PDE4B: variants seen among roughly 807,000 people sequenced by gnomAD.
PDE4B encodes the protein phosphodiesterase 4B.
Under a neutral mutation model 82.2 loss-of-function variants are expected in PDE4B, and 20 were observed. That is an observed-to-expected ratio of 0.24 (90% CI 0.17 to 0.35). The LOEUF is 0.35. Among genes scored for constraint, PDE4B ranks in the 10% least tolerant of loss-of-function variants. The pLI is 1.00. For synonymous variants in PDE4B, 320 were observed against 318.9 expected, an observed-to-expected ratio of 1.00 and a Z score of -0.04; for missense variants, 655 against 907.2, an observed-to-expected ratio of 0.72 and a Z score of 3.57.
intron 3 of PDE4B, among the ~76,000 whole-genome samples, chr1:66,176,570 C>G (rs1281399372): frequency 1.3e-5 from 2 of 152,178 alleles, no homozygotes; most frequent in Non-Finnish European, 2.9e-5. Context: ...ATGAAGCTAT[C>G]ATATTAAAAG....
chr1:66,119,818 G>A (rs1645673150), intron 3 of PDE4B, among the ~76,000 whole-genome samples: 1 of 152,116 alleles, frequency 6.6e-6, no homozygotes, highest in African/African-American at 2.4e-5. Context: ...AATCTAATAT[G>A]ACTGGTATCT....
intron 3 of PDE4B, among the ~76,000 whole-genome samples, chr1:66,009,136 T>C (rs1277601669): frequency 1.3e-5 from 2 of 152,184 alleles, no homozygotes; most frequent in Admixed American, 1.3e-4. Flanking sequence ...ATCTTTTCCA[T>C]TGCAGTAAAA....
At chr1:66,042,649 C>T (rs1300691727) in intron 3 of PDE4B, 1 of 151,678 alleles carries the variant, frequency 6.6e-6, no homozygotes, top group Non-Finnish European at 1.5e-5. Context: ...GGATATTGTC[C>T]TTAAGGCAGT....
At chr1:66,186,631 G>T (rs1647223575) in intron 3 of PDE4B, among the ~76,000 whole-genome samples, 1 of 151,940 alleles carries the variant, frequency 6.6e-6, no homozygotes, top group African/African-American at 2.4e-5. Flanking sequence ...ATTTGGCTCT[G>T]TTTGTCTGTT....
At chr1:66,104,717 T>G (rs1239030015) in intron 3 of PDE4B, among the ~76,000 whole-genome samples, 1 of 149,170 alleles carries the variant, frequency 6.7e-6, no homozygotes, top group Non-Finnish European at 1.5e-5. Context: ...TCATGTGTTT[T>G]TTGGCTGCAT....
intron 3 of PDE4B, among the ~76,000 whole-genome samples, chr1:66,147,159 A>G (rs1334559277): frequency 1.3e-5 from 2 of 152,254 alleles, no homozygotes; most frequent in Non-Finnish European, 2.9e-5. Flanking sequence ...TATACTTCAG[A>G]AAGCACTTGC....
At chr1:66,058,839 C>T (rs2100888617) in intron 3 of PDE4B, among the ~76,000 whole-genome samples, 1 of 152,348 alleles carries the variant, frequency 6.6e-6, no homozygotes, top group Admixed American at 6.5e-5. Flanking sequence ...TTTGAAATGC[C>T]CTGGAGCCAT....
intron 7 of PDE4B, among the ~76,000 whole-genome samples, chr1:66,276,534 A>G (rs906673926): frequency 6.6e-6 from 1 of 152,252 alleles, no homozygotes; most frequent in African/African-American, 2.4e-5. Context: ...TAATTATTAC[A>G]TACTAGAGGA....
intron 3 of PDE4B, among the ~76,000 whole-genome samples, chr1:66,208,174 C>T (rs1649715924): frequency 6.6e-6 from 1 of 152,216 alleles, no homozygotes; most frequent in African/African-American, 2.4e-5. Flanking sequence ...CTTTTCGCCA[C>T]TGCTCATAAA....
chr1:66,082,205 A>C (rs565506259), intron 3 of PDE4B, among the ~76,000 whole-genome samples: 1 of 151,886 alleles, frequency 6.6e-6, no homozygotes, highest in South Asian at 2.1e-4. Context: ...TTCTTTTACT[A>C]TTGACTTTTA....
At chr1:65,879,460 C>T (rs1414118327) in intron 1 of PDE4B, among the ~76,000 whole-genome samples, 2 of 151,798 alleles carry the variant, frequency 1.3e-5, no homozygotes, top group Non-Finnish European at 2.9e-5. Context: ...AAATAAATAA[C>T]ATATAAAACA....
chr1:66,048,090 C>T (rs1432677863), intron 3 of PDE4B, among the ~76,000 whole-genome samples: 1 of 151,868 alleles, frequency 6.6e-6, no homozygotes, highest in African/African-American at 2.4e-5. Context: ...CTCACAGTAA[C>T]TTGTCACTTC....
At chr1:66,317,552 G>A (rs1381518851) in intron 7 of PDE4B, among the ~76,000 whole-genome samples, 1 of 152,010 alleles carries the variant, frequency 6.6e-6, no homozygotes, top group African/African-American at 2.4e-5. Context: ...ACTGAAGGGT[G>A]CCTCAAAGAA....
At chr1:66,187,580 G>A (rs887844810) in intron 3 of PDE4B, among the ~76,000 whole-genome samples, 2 of 152,246 alleles carry the variant, frequency 1.3e-5, no homozygotes, top group African/African-American at 4.8e-5. Context: ...ATGTGTCGAA[G>A]AATTTATCCA....
At chr1:65,835,303 G>A (rs1440234029) in intron 1 of PDE4B, among the ~76,000 whole-genome samples, 2 of 152,064 alleles carry the variant, frequency 1.3e-5, no homozygotes, top group African/African-American at 4.8e-5. Context: ...TCTCCAAAGA[G>A]AGCTTCCCAA....
intron 7 of PDE4B, among the ~76,000 whole-genome samples, chr1:66,284,168 G>A (rs1656498977): frequency 6.6e-6 from 1 of 152,172 alleles, no homozygotes; most frequent in Non-Finnish European, 1.5e-5. Context: ...AGGTAGTTGG[G>A]AGCAAGATCC....
chr1:65,811,146 G>C (rs535893485), intron 1 of PDE4B, among the ~76,000 whole-genome samples: 6 of 152,240 alleles, frequency 3.9e-5, no homozygotes, highest in Admixed American at 2.6e-4. Context: ...AAAACTAATG[G>C]TCTACATTAT....
At chr1:66,023,202 G>A (rs760469964) in intron 3 of PDE4B, among the ~76,000 whole-genome samples, 2 of 152,118 alleles carry the variant, frequency 1.3e-5, no homozygotes, top group Admixed American at 1.3e-4. Context: ...GGATCTAAAA[G>A]GTAGTTAATG....
chr1:66,332,275 C>A, intron 7 of PDE4B: 1 of 1,496,364 alleles, frequency 6.7e-7, no homozygotes. Context: ...TCACCGACAC[C>A]TCATCCAGGC....
Sources: gnomAD v4.1 joint callset for allele counts (sites outside exome capture counted in the v4.1 genomes callset) on GRCh38, gnomAD v4.1.1 for gene constraint, MANE v1.5 for transcripts, NCBI Gene and HGNC (gene_info 2026-07-23, HGNC 2026-07-21) for gene names.